Variants in SIK3 observed in about 807,000 individuals in gnomAD.
SIK3 encodes the protein serine/threonine-protein kinase SIK3.
In SIK3, 28 loss-of-function variants were observed where a neutral mutation model predicts 144.2. That is an observed-to-expected ratio of 0.19 (90% CI 0.14 to 0.27). SIK3 has a LOEUF of 0.27. SIK3 is among the 10% of genes least tolerant of loss of function. The pLI, the probability that SIK3 is intolerant of heterozygous loss-of-function variation, is 1.00. For synonymous variants in SIK3, 686 were observed against 676.3 expected (o/e 1.01, Z -0.22); for missense variants, 1,319 against 1,776.0 (o/e 0.74, Z 4.62).
intron 7 of SIK3, 29 bp from the exon 8 acceptor site, chr11:116,876,392 ACCC>A (rs768990909): frequency 1.9e-6 from 3 of 1,546,316 alleles, no homozygotes; most frequent in African/African-American, 1.4e-5. Context: ...GAAGCTGTCA[ACCC>A]CCCAATTAAC....
intron 1 of SIK3, among the ~76,000 whole-genome samples, chr11:117,016,787 T>C (rs556386923): frequency 6.6e-6 from 1 of 152,348 alleles, no homozygotes; most frequent in South Asian, 2.1e-4. Flanking sequence ...TTGTTAACTG[T>C]ACGTCAATAA....
At chr11:116,997,185 A>G (rs893159190) in intron 1 of SIK3, among the ~76,000 whole-genome samples, 2 of 152,196 alleles carry the variant, frequency 1.3e-5, no homozygotes, top group African/African-American at 4.8e-5. Flanking sequence ...TCACCTTGCC[A>G]TACACTTGAC....
Position 116,875,887 on chromosome 11 carries a change from A to T in SIK3, c.1218T>A (p.Phe406Leu), listed in dbSNP as rs746692069. 6.2e-7 allele frequency: 1 copy of T among 1,605,180 alleles called. No homozygotes were observed. Among genetic ancestry groups the T allele is most frequent in the Admixed American group, 1.8e-5 (1 of 56,064 alleles). ...CCACCTGGATATTGACTGGTGCTTG[A>T]AAGGCCAGGGCTCGGGGCATGCTAG... ...ALPSMPRALA[F>L]QAPVNIQAEQ... is the part of the protein sequence containing the mutation. Residue 406 changes from phenylalanine (F) to leucine (L), a missense_variant, in exon 9 of 25, where the codon TTT (phenylalanine) becomes TTA (leucine). Physicochemically the swap from Phe to Leu is conservative, Grantham distance 22. This residue lies in a region of SIK3 where 109 missense variants were observed against 109.3 expected (regional missense o/e 1.00). Transcript: ENST00000445177.
chr11:117,067,177 G>A (rs907500863), intron 1 of SIK3, among the ~76,000 whole-genome samples: 7 of 152,038 alleles, frequency 4.6e-5, no homozygotes, highest in African/African-American at 1.7e-4. Context: ...TCCACTGTAA[G>A]GTATTTACCT....
At chr11:116,893,679 G>A (rs536037743) in intron 6 of SIK3, among the ~76,000 whole-genome samples, 6 of 152,046 alleles carry the variant, frequency 3.9e-5, no homozygotes, top group African/African-American at 1.4e-4. Flanking sequence ...CCAAAAAAGG[G>A]AGTTAGGGAG....
chr11:117,013,908 G>T (rs1248789348), intron 1 of SIK3, among the ~76,000 whole-genome samples: 1,186 of 61,540 alleles, frequency 0.019, 79 homozygotes, highest in African/African-American at 0.043. Flanking sequence ...GAGGGGGGGG[G>T]GGGGAGGGTG....
intron 1 of SIK3, among the ~76,000 whole-genome samples, chr11:117,082,605 T>C (rs1172993617): frequency 2.0e-5 from 3 of 152,192 alleles, no homozygotes; most frequent in African/African-American, 7.2e-5. Flanking sequence ...TTGTGGTTGC[T>C]TAGGGCTGAG....
Position 116,862,237 on chromosome 11 carries a change from CCTGCTGGTATAACATATGCTG to C in SIK3, c.2173_2193del (p.Gln725_Gln731del). ...TGCTGGAGAATTTGATGGTGCTGCTCCTGCTGGTATAACATATGCTGCTGCTGGGTCTTCTCCAGGGTTCTT... is the reference window on the plus strand; with the variant it reads ...TGCTGGAGAATTTGATGGTGCTGCTCCTGCTGGGTCTTCTCCAGGGTTCTT... On this transcript the variant is annotated inframe_deletion, in exon 17 of 25. Coordinates refer to ENST00000445177, the MANE Select transcript of SIK3 (RefSeq NM_001366686.3). 1 of 1,614,210 alleles carries C rather than the reference CCTGCTGGTATAACATATGCTG, an allele frequency of 6.2e-7. No individual in the cohort carries two copies. The highest frequency in any genetic ancestry group is 8.5e-7 in the Non-Finnish European group (1 of 1,180,028).
chr11:117,060,082 A>G (rs4938332), intron 1 of SIK3, among the ~76,000 whole-genome samples: 69,297 of 152,132 alleles, frequency 0.46, 19,170 homozygotes, highest in Non-Finnish European at 0.64. Flanking sequence ...ATAGTTGAAA[A>G]AAGTTGAAAG....
intron 21 of SIK3, among the ~76,000 whole-genome samples, chr11:116,852,947 A>C (rs1158231224): frequency 6.6e-6 from 1 of 152,178 alleles, no homozygotes; most frequent in Non-Finnish European, 1.5e-5. Flanking sequence ...TGGAAGGGCT[A>C]GCATCTTTCA....
At chr11:116,966,597 G>C (rs1949555991) in intron 1 of SIK3, among the ~76,000 whole-genome samples, 1 of 152,108 alleles carries the variant, frequency 6.6e-6, no homozygotes, top group Non-Finnish European at 1.5e-5. Context: ...GGCACTCAAA[G>C]AGTTTAAGAT....
chr11:117,005,212 G>A (rs934553358), intron 1 of SIK3, among the ~76,000 whole-genome samples: 1 of 151,792 alleles, frequency 6.6e-6, no homozygotes, highest in African/African-American at 2.4e-5. Context: ...GGAGGCTGAG[G>A]CGGGCAGATC....
chr11:117,003,959 G>A (rs1008116033), intron 1 of SIK3, among the ~76,000 whole-genome samples: 9 of 152,094 alleles, frequency 5.9e-5, no homozygotes, highest in African/African-American at 1.7e-4. Flanking sequence ...TGCTGCCTTC[G>A]TCTGAGCATC....
At chr11:117,048,986 G>A (rs779048118) in intron 1 of SIK3, among the ~76,000 whole-genome samples, 6 of 151,832 alleles carry the variant, frequency 4.0e-5, no homozygotes, top group South Asian at 2.1e-4. Flanking sequence ...TTGTAATCCC[G>A]GCTACTCAGG....
At chr11:117,042,790 G>A (rs988327093) in intron 1 of SIK3, among the ~76,000 whole-genome samples, 1 of 152,184 alleles carries the variant, frequency 6.6e-6, no homozygotes, top group African/African-American at 2.4e-5. Context: ...GAAGGAAAAT[G>A]TTAAGACTCA....
In SIK3 at chr11:116,953,318, C is replaced by T. The variant is rs188498385; in HGVS notation, c.454+726G>A. 4.6e-5 allele frequency among the ~76,000 whole-genome samples: 7 copies of T among 152,086 alleles called. No individual in the cohort carries two copies. The East Asian group carries it at 1.3e-3, about 29-fold the overall frequency. ...TAGACAAATAAAGTATATAAAGAAA[C>T]TTTTCTCTGTAGTTAGTTGCCAAAA... On this transcript the variant is annotated intron_variant, in intron 3 of 24. Transcript: ENST00000445177.
chr11:116,945,959 A>C (rs1948568053), intron 3 of SIK3, among the ~76,000 whole-genome samples: 1 of 152,160 alleles, frequency 6.6e-6, no homozygotes, highest in Non-Finnish European at 1.5e-5. Flanking sequence ...TACTCTCAAT[A>C]GAAAATTATA....
In SIK3 at chr11:116,957,049, T is replaced by C; in HGVS notation, c.289A>G (p.Ile97Val). 1 of 1,601,974 alleles carries C rather than the reference T, an allele frequency of 6.2e-7. No individual in the cohort carries two copies. Among genetic ancestry groups the C allele is most frequent in the Non-Finnish European group, 8.5e-7 (1 of 1,175,998 alleles). The part of the protein sequence containing the change: ...VTKAKVAIKI[I>V]DKTQLDEENL... The stretch of plus-strand genomic sequence containing the variant: ...TCTTCATCCAGCTGGGTCTTATCTA[T>C]GATCTTGATAGCAACCTGACAACAG... The change falls in exon 2 of 25, where the codon ATA becomes GTA. Residue 97 changes from isoleucine (I) to valine (V), a missense_variant. This residue lies in a region of SIK3 where 125 missense variants were observed against 285.2 expected (regional missense o/e 0.44). Coordinates refer to ENST00000445177, the MANE Select transcript of SIK3 (RefSeq NM_001366686.3).
chr11:116,876,837 T>C, intron 7 of SIK3, 87 bp downstream of exon 7: 1 of 1,088,058 alleles, frequency 9.2e-7, no homozygotes, highest in East Asian at 2.4e-5. Flanking sequence ...TGTCCGCCTT[T>C]CAGGTTATGG....
Sources: gnomAD v4.1 joint callset for allele counts (sites outside exome capture counted in the v4.1 genomes callset) on GRCh38, gnomAD v4.1.1 for gene constraint, gnomAD v4.1.1 regional missense constraint, MANE v1.5 for transcripts, NCBI Gene and HGNC (gene_info 2026-07-23, HGNC 2026-07-21) for gene names.